The following CNTN4 variants were observed in gnomAD, a reference collection of about 807,000 sequenced individuals.
CNTN4 encodes the protein contactin-4.
CNTN4 carries 77 observed loss-of-function variants against 122.5 expected under a neutral mutation model. That is an observed-to-expected ratio of 0.63 (90% CI 0.52 to 0.76). CNTN4 has a LOEUF of 0.76. Among genes scored for constraint, CNTN4 ranks in the 30% least tolerant of loss-of-function variants. The pLI, the probability that CNTN4 is intolerant of heterozygous loss-of-function variation, is 0.00. For synonymous variants in CNTN4, 512 were observed against 447.0 expected, an observed-to-expected ratio of 1.15 and a Z score of -1.83; for missense variants, 1,256 against 1,259.1, an observed-to-expected ratio of 1.00 and a Z score of 0.04.
At chr3:2,725,599 A>C (rs1383821977) in intron 4 of CNTN4, among the ~76,000 whole-genome samples, 1 of 152,178 alleles carries the variant, frequency 6.6e-6, no homozygotes, top group Non-Finnish European at 1.5e-5. Flanking sequence ...GTAGTGGGGA[A>C]GGGCCTGGAC....
At chr3:2,688,623 G>T (rs2085562967) in intron 4 of CNTN4, among the ~76,000 whole-genome samples, 1 of 152,178 alleles carries the variant, frequency 6.6e-6, no homozygotes, top group South Asian at 2.1e-4. Context: ...TATCAGTGCA[G>T]ACAGCTTGAT....
chr3:2,357,514 C>T (rs1252849248), intron 3 of CNTN4, among the ~76,000 whole-genome samples: 2 of 152,148 alleles, frequency 1.3e-5, no homozygotes, highest in Non-Finnish European at 2.9e-5. Context: ...GTATTGTAAA[C>T]ATAAACATAC....
chr3:2,329,414 T>G (rs2150281320), intron 2 of CNTN4, among the ~76,000 whole-genome samples: 1 of 152,350 alleles, frequency 6.6e-6, no homozygotes, highest in East Asian at 1.9e-4. Context: ...ACCCACTGCA[T>G]AGTTATCTAG....
At chr3:2,330,339 T>A (rs1370983062) in intron 2 of CNTN4, among the ~76,000 whole-genome samples, 1 of 152,110 alleles carries the variant, frequency 6.6e-6, no homozygotes, top group Non-Finnish European at 1.5e-5. Flanking sequence ...TTGGTTTTTA[T>A]GGCGACTTCA....
intron 13 of CNTN4, among the ~76,000 whole-genome samples, chr3:2,950,487 G>GC (rs147241984): frequency 0.012 from 1,769 of 152,308 alleles, 29 homozygotes; most frequent in South Asian, 0.07. Context: ...GTGATGAGTA[G>GC]CAGGTCCCTG....
chr3:2,746,670 G>C (rs1158973669), intron 6 of CNTN4, among the ~76,000 whole-genome samples: 1 of 152,154 alleles, frequency 6.6e-6, no homozygotes, highest in Non-Finnish European at 1.5e-5. Flanking sequence ...TCCTCTCCAG[G>C]AACTCAACAT....
intron 3 of CNTN4, among the ~76,000 whole-genome samples, chr3:2,405,950 C>T (rs2047020191): frequency 6.6e-6 from 1 of 151,746 alleles, no homozygotes; most frequent in South Asian, 2.1e-4. Context: ...CTGCTAGAGT[C>T]CGGGAGGTCA....
At chr3:2,406,736 G>C (rs1028476118) in intron 3 of CNTN4, among the ~76,000 whole-genome samples, 1 of 152,098 alleles carries the variant, frequency 6.6e-6, no homozygotes, top group Non-Finnish European at 1.5e-5. Context: ...CTGTTACAAA[G>C]TATGTGAAAT....
intron 21 of CNTN4, 151 bp from the exon 22 acceptor site, chr3:3,042,826 A>G: frequency 1.4e-6 from 1 of 693,256 alleles, no homozygotes; most frequent in Non-Finnish European, 2.5e-6. Flanking sequence ...ATTTCTCAGG[A>G]TATACAGAGT....
rs1368418297 is a variant in CNTN4, at chr3:3,057,381, C to G, written c.*1161C>G. 6.6e-6 allele frequency: 1 copy of G among 152,510 alleles called. No individual in the cohort carries two copies. The highest frequency in any genetic ancestry group is 1.9e-4 in the East Asian group (1 of 5,188). The allele number at this position is 152,510 out of a possible 1,614,324, so 9.4% of individuals were successfully genotyped here. On this transcript the variant is annotated 3_prime_UTR_variant, in exon 25 of 25. Transcript: ENST00000418658. ...ATGATTCTGTTTTGCAATAGGTAGC[C>G]TAGTTGCTTTATATGCTTTACCTTC...
chr3:2,246,738 C>T (rs952536091), intron 2 of CNTN4, among the ~76,000 whole-genome samples: 1 of 151,808 alleles, frequency 6.6e-6, no homozygotes, highest in Non-Finnish European at 1.5e-5. Flanking sequence ...TGGGTTCAAA[C>T]AAATTGTTCT....
chr3:2,310,811 C>T (rs2042887180), intron 2 of CNTN4, among the ~76,000 whole-genome samples: 1 of 152,078 alleles, frequency 6.6e-6, no homozygotes, highest in South Asian at 2.1e-4. Context: ...TATTATAATA[C>T]AGAAATAAAA....
At chr3:2,205,525 T>A (rs1466255129) in intron 2 of CNTN4, among the ~76,000 whole-genome samples, 1 of 152,038 alleles carries the variant, frequency 6.6e-6, no homozygotes, top group East Asian at 1.9e-4. Context: ...GGAACTGGTT[T>A]GGGCCTCAAA....
intron 4 of CNTN4, among the ~76,000 whole-genome samples, chr3:2,671,757 G>A (rs4352367): frequency 0.23 from 35,521 of 151,922 alleles, 4,414 homozygotes; most frequent in Admixed American, 0.37. Flanking sequence ...GGTGACATAC[G>A]ACATACAGAT....
chr3:2,498,388 G>C (rs2076507394), intron 3 of CNTN4, among the ~76,000 whole-genome samples: 1 of 152,144 alleles, frequency 6.6e-6, no homozygotes, highest in Admixed American at 6.5e-5. Flanking sequence ...TCCTAGCAAT[G>C]TATGAGTGAT....
intron 8 of CNTN4, among the ~76,000 whole-genome samples, chr3:2,870,561 TCTC>T (rs1559602013): frequency 6.6e-6 from 1 of 152,196 alleles, no homozygotes. Context: ...TGAAATTCTC[TCTC>T]CTCAAGATCT....
chr3:3,037,537 T>C (rs999320551), intron 18 of CNTN4: 17 of 639,572 alleles, frequency 2.7e-5, no homozygotes, highest in African/African-American at 2.3e-4. Flanking sequence ...CTTCATTAGG[T>C]CCACTTGTAC....
chr3:2,317,158 T>C (rs558788611), intron 2 of CNTN4, among the ~76,000 whole-genome samples: 6 of 152,324 alleles, frequency 3.9e-5, no homozygotes, highest in Non-Finnish European at 7.4e-5. Flanking sequence ...TGAAGCACAC[T>C]GTAAATGTCT....
intron 4 of CNTN4, among the ~76,000 whole-genome samples, chr3:2,575,820 T>C (rs1195532064): frequency 2.7e-3 from 46 of 17,084 alleles, no homozygotes; most frequent in African/African-American, 5.1e-3. Context: ...TTTTTTTTTT[T>C]TTTTTTTTTT....
Sources: allele counts gnomAD v4.1 joint callset (sites outside exome capture counted in the v4.1 genomes callset), GRCh38; gene constraint gnomAD v4.1.1; transcripts MANE v1.5; gene names NCBI Gene and HGNC (gene_info 2026-07-23, HGNC 2026-07-21).